The following XPO5 variants were observed in gnomAD, a reference collection of about 807,000 sequenced individuals.
XPO5 encodes the protein exportin 5.
Under a neutral mutation model 160.6 loss-of-function variants are expected in XPO5, and 46 were observed. The observed-to-expected ratio is 0.29, with a 90% CI of 0.23 to 0.37. The LOEUF is 0.37. Ranked by LOEUF, XPO5 falls within the 10% of genes least tolerant of loss-of-function variation. The pLI, the probability that XPO5 is intolerant of heterozygous loss-of-function variation, is 1.00. For synonymous variants in XPO5, 537 were observed against 519.3 expected, an observed-to-expected ratio of 1.03 and a Z score of -0.46; for missense variants, 1,090 against 1,463.9, an observed-to-expected ratio of 0.74 and a Z score of 4.17.
In XPO5 at chr6:43,562,397, T is replaced by C. The variant is rs995578351; in HGVS notation, c.912-51A>G. The C allele has an allele frequency of 1.5e-5, 20 of 1,305,076 alleles. No homozygotes were observed. In the Middle Eastern group the frequency reaches 7.2e-4, roughly 47 times the overall value. The allele number at this position is 1,305,076 out of a possible 1,614,324, so 80.8% of individuals were successfully genotyped here. A position where few individuals can be genotyped will look rare whatever the true frequency, so the allele number is the denominator to read the frequency against. On this transcript the variant is annotated intron_variant, in intron 8 of 31. Coordinates refer to ENST00000265351, the MANE Select transcript of XPO5 (RefSeq NM_020750.3). ...ACCAACAAAATTAAAAAGGCTGTAA[T>C]AAAAACATCACTTTGTGTCTCATTT...
intron 1 of XPO5, among the ~76,000 whole-genome samples, chr6:43,573,821 A>T (rs1384181240): frequency 6.5e-5 from 8 of 122,692 alleles, no homozygotes; most frequent in Middle Eastern, 4.0e-3. Context: ...ATATATATAT[A>T]TATTTTTTTT....
At position 43,565,734 on chromosome 6, in the gene XPO5, G is replaced by T. The variant is rs1762664183; in HGVS notation, c.837C>A (p.Gly279=). ...TCAAGGGCTTCCGGTCTTCCAACTT[G>T]CCCTAGACCCAATTTTAGGGAAACA... ...ECLLIAVSRK[G]KLEDRKPLMV... is the part of the protein sequence containing the mutation. Residue 279 remains glycine, a splice_region_variant and synonymous_variant, in exon 8 of 32, where the codon GGC becomes GGA. Coordinates refer to ENST00000265351, the MANE Select transcript of XPO5 (RefSeq NM_020750.3). 1 of 1,604,066 alleles carries T rather than the reference G, an allele frequency of 6.2e-7. No individual in the cohort carries two copies.
At chr6:43,550,463 C>T (rs544194228) in intron 15 of XPO5, among the ~76,000 whole-genome samples, 3 of 152,280 alleles carry the variant, frequency 2.0e-5, no homozygotes, top group South Asian at 2.1e-4. Flanking sequence ...TTCTCTGGCT[C>T]TTTTTCCTTC....
chr6:43,561,061 A>G, intron 9 of XPO5, 54 bp from the exon 10 acceptor site: 1 of 1,402,150 alleles, frequency 7.1e-7, no homozygotes, highest in African/African-American at 1.4e-5. Flanking sequence ...GCAGGAGAGG[A>G]AAAAGCAGGG....
intron 12 of XPO5, among the ~76,000 whole-genome samples, chr6:43,556,424 G>C (rs1456870049): frequency 2.6e-5 from 4 of 151,556 alleles, no homozygotes; most frequent in Non-Finnish European, 5.9e-5. Flanking sequence ...ACTTGGGAGA[G>C]TGAGGTAGGA....
At chr6:43,528,712 G>T in intron 24 of XPO5, 116 bp downstream of exon 24, 1 of 988,786 alleles carries the variant, frequency 1.0e-6, no homozygotes. Flanking sequence ...GCTCTGCCCA[G>T]CCAGTCTGGC....
rs1011941599 is a variant in XPO5 at position 43,553,401 on chromosome 6, G to C, written c.1544C>G (p.Thr515Ser). Reference sequence around the variant, plus strand: ...TCTATTTAGTGTTCGAAACATCTGGGTGATAACACTTTCCAAAAAAAGAGT... The same window carrying C: ...TCTATTTAGTGTTCGAAACATCTGGCTGATAACACTTTCCAAAAAAAGAGT... ...AMTLFLESVI[T>S]QMFRTLNREE... The change falls in exon 14 of 32, where the codon ACC becomes AGC. Residue 515 changes from threonine to serine, a missense_variant. By Grantham distance (58) the Thr-to-Ser change is moderately conservative (BLOSUM62 1). This residue lies in a region of XPO5 where 810 missense variants were observed against 1,139.0 expected (regional missense o/e 0.71). Transcript: ENST00000265351. 6.2e-7 allele frequency: 1 copy of C among 1,607,998 alleles called. No homozygotes were observed. The highest frequency in any genetic ancestry group is 8.5e-7 in the Non-Finnish European group (1 of 1,177,196).
rs773520890 is a variant in XPO5, at chr6:43,523,832, CAAG to C, written c.*33_*35del. The C allele has an allele frequency of 9.3e-6, 15 of 1,613,878 alleles. No individual in the cohort carries two copies. The highest frequency in any genetic ancestry group is 1.1e-5 in the Non-Finnish European group (13 of 1,179,836). On this transcript the variant is annotated 3_prime_UTR_variant, in exon 32 of 32. Transcript: ENST00000265351. ...GGCTACAAAGGGAAAGAAGAGATGA[CAAG>C]AAAGGCCGAGGAAGGATGCCCAAAA...
In XPO5 at chr6:43,573,442, C is replaced by G. The variant is rs1444318655; in HGVS notation, c.227+38G>C. ...GTTATATAAGATATAAAGATCTGTTCTCTCAGACTTCAGTGGTAATGTCCA... is the reference window on the plus strand; with the variant it reads ...GTTATATAAGATATAAAGATCTGTTGTCTCAGACTTCAGTGGTAATGTCCA... On this transcript the variant is annotated intron_variant, in intron 2 of 31. Coordinates refer to ENST00000265351, the MANE Select transcript of XPO5 (RefSeq NM_020750.3). The G allele has an allele frequency of 1.9e-6, 3 of 1,609,880 alleles. No individual in the cohort carries two copies. The African/African-American group carries it at 4.0e-5, about 22-fold the overall frequency.
At chr6:43,558,362 G>A in intron 12 of XPO5, 139 bp downstream of exon 12, 1 of 722,944 alleles carries the variant, frequency 1.4e-6, no homozygotes, top group Non-Finnish European at 2.2e-6. Context: ...TCTGCAATGG[G>A]AAACTAGGGC....
Position 43,565,678 on chromosome 6 carries a change from T to C in XPO5, c.893A>G (p.Tyr298Cys), listed in dbSNP as rs1762661886. The C allele has an allele frequency of 1.9e-6, 3 of 1,609,162 alleles. No homozygotes were observed. The highest frequency in any genetic ancestry group is 2.5e-6 in the Non-Finnish European group (3 of 1,177,924). ...MVLFGDVAMHYILSAAQTADG... is the reference protein window; with the variant it reads ...MVLFGDVAMHCILSAAQTADG... ...TACTCACTGTGCGGCGGAGAGTATA[T>C]AATGCATGGCAACATCTCCAAATAA... Residue 298 changes from tyrosine (Y) to cysteine (C), a missense_variant, in exon 8 of 32, where the codon TAT becomes TGT. By Grantham distance (194) the Tyr-to-Cys change is radical. This residue lies in a region of XPO5 where 810 missense variants were observed against 1,139.0 expected (regional missense o/e 0.71). Transcript: ENST00000265351.
At chr6:43,529,378 TAAAAAAAAAAAA>T (rs35493258) in intron 23 of XPO5, 1 of 121,292 alleles carries the variant, frequency 8.2e-6, no homozygotes. Context: ...CCGTCTCTAC[TAAAAAAAAAAAA>T]AAAAAAAAAA....
chr6:43,556,702 A>G (rs1414699580), intron 12 of XPO5, among the ~76,000 whole-genome samples: 1 of 152,222 alleles, frequency 6.6e-6, no homozygotes, highest in Non-Finnish European at 1.5e-5. Flanking sequence ...TTATATCTAA[A>G]CAAAACCTTG....
chr6:43,524,026 A>G (rs1341273205), intron 31 of XPO5, 21 bp from the exon 32 acceptor site: 1 of 1,608,346 alleles, frequency 6.2e-7, no homozygotes, highest in Non-Finnish European at 8.5e-7. Context: ...CAAATGAGAA[A>G]GAATTAATGC....
rs185878455 is a variant in XPO5 at position 43,526,846 on chromosome 6, A to G, written c.2921-99T>C. The stretch of plus-strand genomic sequence containing the variant: ...ATCCCAACCTGTCTCTGGCCAGGTG[A>G]GGAAGGAGGAAGATGGGGGTACCGT... On this transcript the variant is annotated intron_variant, in intron 26 of 31. Transcript: ENST00000265351. The G allele has an allele frequency of 2.4e-6, 3 of 1,227,248 alleles. No homozygotes were observed. The African/African-American group carries it at 4.5e-5, about 18-fold the overall frequency. 76.0% of individuals were successfully genotyped at this position (1,227,248 alleles called of 1,614,324 possible). A position where few individuals can be genotyped will look rare whatever the true frequency, so the allele number is the denominator to read the frequency against.
At chr6:43,569,351 T>C (rs1380340024) in intron 5 of XPO5, among the ~76,000 whole-genome samples, 3 of 150,838 alleles carry the variant, frequency 2.0e-5, no homozygotes, top group African/African-American at 7.3e-5. Flanking sequence ...TACATCAGAA[T>C]AGTGGCTATT....
chr6:43,558,044 G>A (rs148474326), intron 12 of XPO5, among the ~76,000 whole-genome samples: 1,887 of 151,262 alleles, frequency 0.012, 43 homozygotes, highest in African/African-American at 0.044. Context: ...GTGGTGAGCC[G>A]AGATCGCGCC....
chr6:43,550,610 T>G (rs1225132118), intron 15 of XPO5, among the ~76,000 whole-genome samples: 1 of 152,228 alleles, frequency 6.6e-6, no homozygotes, highest in African/African-American at 2.4e-5. Context: ...GGGACTACTA[T>G]GATGATGATG....
intron 5 of XPO5, 85 bp from the exon 6 acceptor site, chr6:43,568,822 G>A: frequency 8.4e-7 from 1 of 1,196,204 alleles, no homozygotes; most frequent in Admixed American, 2.5e-5. Flanking sequence ...CAATGCCCTT[G>A]AATAATGATT....
Sources: gnomAD v4.1 joint callset for allele counts (sites outside exome capture counted in the v4.1 genomes callset) on GRCh38, gnomAD v4.1.1 for gene constraint, gnomAD v4.1.1 regional missense constraint, MANE v1.5 for transcripts, NCBI Gene and HGNC (gene_info 2026-07-23, HGNC 2026-07-21) for gene names.